Variants in ERBB4 observed in about 807,000 individuals in gnomAD.
ERBB4 encodes receptor tyrosine-protein kinase erbB-4.
A neutral mutation model predicts 158.0 loss-of-function variants in ERBB4; 42 were observed. The ratio of observed to expected loss-of-function variants is 0.27; its 90% confidence interval spans 0.21 to 0.34. ERBB4 has a LOEUF of 0.34. ERBB4 is among the 10% of genes least tolerant of loss of function. ERBB4 has a pLI of 1.00. For synonymous variants in ERBB4, 583 were observed against 558.7 expected (o/e 1.04, Z -0.61); for missense variants, 1,333 against 1,624.1 (o/e 0.82, Z 3.08).
At chr2:211,975,291 T>G (rs1410179955) in intron 2 of ERBB4, among the ~76,000 whole-genome samples, 1 of 152,206 alleles carries the variant, frequency 6.6e-6, no homozygotes, top group Non-Finnish European at 1.5e-5. Flanking sequence ...CCCCCACGCT[T>G]AAATAACTGG....
intron 2 of ERBB4, among the ~76,000 whole-genome samples, chr2:212,084,115 C>T (rs144142079): frequency 6.6e-6 from 1 of 151,890 alleles, no homozygotes; most frequent in East Asian, 1.9e-4. Context: ...CCTCTTCATC[C>T]GTGCAAATAA....
rs368794269 is a variant in ERBB4, at chr2:212,205,629, C to T, written c.83-80726G>A. 3.3e-5 allele frequency among the ~76,000 whole-genome samples: 5 copies of T among 152,210 alleles called. No individual in the cohort carries two copies. In the South Asian group the frequency reaches 1.0e-3, roughly 32 times the overall value. On this transcript the variant is annotated intron_variant, in intron 1 of 27. Coordinates refer to ENST00000342788, the MANE Select transcript of ERBB4 (RefSeq NM_005235.3). The stretch of plus-strand genomic sequence containing the variant: ...TAAAATTGATGCCTACAAACTGACT[C>T]CATTCAATTATTAAAGACCTTATCT...
chr2:211,884,880 C>T (rs893146008), intron 3 of ERBB4, among the ~76,000 whole-genome samples: 1 of 152,032 alleles, frequency 6.6e-6, no homozygotes, highest in Non-Finnish European at 1.5e-5. Context: ...AAATTCTAAA[C>T]ATAATTATAA....
intron 1 of ERBB4, among the ~76,000 whole-genome samples, chr2:212,473,437 A>G (rs1000190004): frequency 1.3e-5 from 2 of 152,116 alleles, no homozygotes; most frequent in East Asian, 1.9e-4. Context: ...GTTTTACATC[A>G]TAAGATCTGG....
At chr2:211,536,315 A>G (rs2066651460) in intron 20 of ERBB4, among the ~76,000 whole-genome samples, 2 of 152,106 alleles carry the variant, frequency 1.3e-5, no homozygotes, top group Non-Finnish European at 2.9e-5. Flanking sequence ...CTGCAAGTGT[A>G]GTGTAATCTA....
At chr2:211,881,861 C>T (rs575113940) in intron 3 of ERBB4, among the ~76,000 whole-genome samples, 6 of 152,096 alleles carry the variant, frequency 3.9e-5, no homozygotes, top group African/African-American at 9.7e-5. Context: ...CATGAGACAA[C>T]GAACCTTGGA....
At chr2:212,483,971 C>T (rs757150527) in intron 1 of ERBB4, among the ~76,000 whole-genome samples, 3 of 152,084 alleles carry the variant, frequency 2.0e-5, no homozygotes, top group South Asian at 2.1e-4. Context: ...CTCCTGACCT[C>T]GTGATCCGCC....
chr2:212,444,686 G>T (rs974634597), intron 1 of ERBB4, among the ~76,000 whole-genome samples: 5 of 152,160 alleles, frequency 3.3e-5, no homozygotes, highest in Non-Finnish European at 7.3e-5. Context: ...CGGTGGCAGG[G>T]ATGGAGGTTA....
chr2:211,811,270 T>A (rs184809777), intron 3 of ERBB4, among the ~76,000 whole-genome samples: 431 of 152,326 alleles, frequency 2.8e-3, no homozygotes, highest in African/African-American at 0.01. Flanking sequence ...CCTTCACTTA[T>A]GAAGCTTAGT....
At chr2:212,125,074 T>C (rs1280110448) in intron 1 of ERBB4, 171 bp from the exon 2 acceptor site, 1 of 697,858 alleles carries the variant, frequency 1.4e-6, no homozygotes, top group Non-Finnish European at 2.4e-6. Flanking sequence ...ACATTTTCAC[T>C]TTTATATTCC....
At chr2:211,889,207 C>T (rs1383676140) in intron 3 of ERBB4, among the ~76,000 whole-genome samples, 3 of 144,526 alleles carry the variant, frequency 2.1e-5, no homozygotes, top group East Asian at 1.9e-4. Context: ...GATCTGAGAA[C>T]CCGCAGACTG....
At chr2:212,298,030 T>C (rs1011791740) in intron 1 of ERBB4, among the ~76,000 whole-genome samples, 19 of 151,816 alleles carry the variant, frequency 1.3e-4, no homozygotes. Flanking sequence ...TAATTATGTT[T>C]TGTTTGAAAT....
intron 1 of ERBB4, among the ~76,000 whole-genome samples, chr2:212,395,418 G>GA (rs1265987524): frequency 6.6e-6 from 1 of 151,718 alleles, no homozygotes; most frequent in African/African-American, 2.4e-5. Context: ...AAATATAAAA[G>GA]AAAATAGAGG....
At chr2:212,229,792 T>G (rs533321135) in intron 1 of ERBB4, among the ~76,000 whole-genome samples, 2 of 152,346 alleles carry the variant, frequency 1.3e-5, no homozygotes, top group African/African-American at 4.8e-5. Context: ...ATTTAATGTT[T>G]GATTTCATGT....
chr2:211,578,895 TAA>T (rs2067971897), intron 19 of ERBB4, among the ~76,000 whole-genome samples: 1 of 151,864 alleles, frequency 6.6e-6, no homozygotes. Context: ...TAGGCGTGGG[TAA>T]AGATTTCATG....
intron 1 of ERBB4, among the ~76,000 whole-genome samples, chr2:212,134,156 A>G (rs1361851604): frequency 6.6e-6 from 1 of 152,038 alleles, no homozygotes; most frequent in Non-Finnish European, 1.5e-5. Context: ...AGACTTGAAT[A>G]TTGCAATTTA....
At chr2:211,535,299 T>A (rs987804997) in intron 20 of ERBB4, among the ~76,000 whole-genome samples, 2 of 152,052 alleles carry the variant, frequency 1.3e-5, no homozygotes, top group Non-Finnish European at 2.9e-5. Context: ...TGGAACTATA[T>A]CTAATGGACT....
intron 25 of ERBB4, among the ~76,000 whole-genome samples, chr2:211,408,098 A>T (rs1277575767): frequency 1.3e-5 from 2 of 152,208 alleles, no homozygotes; most frequent in African/African-American, 4.8e-5. Context: ...AAAATAAATA[A>T]ATAAATACAT....
At chr2:211,784,103 TA>T (rs971434761) in intron 4 of ERBB4, among the ~76,000 whole-genome samples, 15 of 152,132 alleles carry the variant, frequency 9.9e-5, no homozygotes, top group Non-Finnish European at 1.8e-4. Context: ...TAATTACAGT[TA>T]AAAAAAGAGA....
Sources: allele counts gnomAD v4.1 joint callset (sites outside exome capture counted in the v4.1 genomes callset), GRCh38; gene constraint gnomAD v4.1.1; transcripts MANE v1.5; gene names NCBI Gene and HGNC (gene_info 2026-07-23, HGNC 2026-07-21).